Variants in PHF14 observed in about 807,000 individuals in gnomAD.
PHF14 encodes PHD finger protein 14.
In PHF14, 55 loss-of-function variants were observed where a neutral mutation model predicts 117.9. The observed-to-expected ratio is 0.47, with a 90% CI of 0.38 to 0.58. PHF14 has a LOEUF of 0.58. PHF14 is among the 20% of genes least tolerant of loss of function. The probability of loss-of-function intolerance (pLI) is 0.00; values close to 1 mark genes in which losing one functional copy is unlikely to be tolerated. For missense variants in PHF14, 978 were observed against 1,122.2 expected (o/e 0.87, Z 1.84); for synonymous variants, 409 against 368.6 (o/e 1.11, Z -1.26).
rs184324077 is a variant in PHF14, at chr7:10,984,541, G to A, written c.900+1382G>A. ...TAATTGAGGCATGCATGCAGTTTAC[G>A]TTATAGCAGTTAATACTCTATATAT... On this transcript the variant is annotated intron_variant, in intron 3 of 17. Transcript: ENST00000634607. Among the ~76,000 whole-genome samples, 314 of 152,220 alleles carry A rather than the reference G, an allele frequency of 2.1e-3. 1 individual carries two copies. The highest frequency in any genetic ancestry group is 7.4e-3 in the African/African-American group (307 of 41,542).
intron 16 of PHF14, among the ~76,000 whole-genome samples, chr7:11,084,916 AT>A (rs1305800858): frequency 6.6e-6 from 1 of 150,830 alleles, no homozygotes; most frequent in East Asian, 1.9e-4. Context: ...ATCTTTGGAG[AT>A]TTTTTTTTCT....
intron 17 of PHF14, among the ~76,000 whole-genome samples, chr7:11,114,879 T>C (rs1456073184): frequency 1.1e-4 from 16 of 152,088 alleles, no homozygotes; most frequent in Non-Finnish European, 1.5e-5. Flanking sequence ...TTATATTCAG[T>C]GGAGCTAGTT....
chr7:11,112,394 C>T (rs2128343747), intron 17 of PHF14, among the ~76,000 whole-genome samples: 2 of 152,214 alleles, frequency 1.3e-5, no homozygotes, highest in South Asian at 4.1e-4. Context: ...AGGCCTTCTG[C>T]AAAAGTTTAT....
intron 5 of PHF14, among the ~76,000 whole-genome samples, chr7:11,018,561 G>A (rs10261168): frequency 0.013 from 1,969 of 152,080 alleles, 36 homozygotes; most frequent in African/African-American, 0.045. Flanking sequence ...CTGTTGTCAC[G>A]TAGACATGCT....
intron 16 of PHF14, among the ~76,000 whole-genome samples, chr7:11,097,736 A>G (rs982436288): frequency 5.5e-4 from 84 of 152,190 alleles, no homozygotes; most frequent in African/African-American, 1.9e-3. Context: ...GTTGATACCC[A>G]TTTATCTAAC....
intron 16 of PHF14, among the ~76,000 whole-genome samples, chr7:11,071,747 A>T (rs1470373442): frequency 6.6e-6 from 1 of 152,184 alleles, no homozygotes; most frequent in Non-Finnish European, 1.5e-5. Context: ...GCCCTGAGAC[A>T]TGTTTCTGAT....
chr7:11,087,916 CAT>C (rs1372964932), intron 16 of PHF14, among the ~76,000 whole-genome samples: 2 of 152,148 alleles, frequency 1.3e-5, no homozygotes, highest in Non-Finnish European at 2.9e-5. Context: ...TTGAAACTAA[CAT>C]AACAATTAAA....
chr7:11,077,578 C>T (rs1001599598), intron 16 of PHF14, among the ~76,000 whole-genome samples: 5 of 124,792 alleles, frequency 4.0e-5, no homozygotes, highest in African/African-American at 1.6e-4. Context: ...TCCGGCCTGG[C>T]AACAGAGCGA....
At chr7:11,099,548 A>G (rs1022052477) in intron 16 of PHF14, among the ~76,000 whole-genome samples, 4 of 152,040 alleles carry the variant, frequency 2.6e-5, no homozygotes, top group African/African-American at 9.7e-5. Flanking sequence ...TTTCTGTAAG[A>G]TTTGTTTTTG....
intron 16 of PHF14, among the ~76,000 whole-genome samples, chr7:11,087,684 G>C (rs1351612444): frequency 1.3e-5 from 2 of 152,036 alleles, no homozygotes; most frequent in Admixed American, 1.3e-4. Flanking sequence ...ACTCCCAGTG[G>C]TCTTCTCACT....
At chr7:11,001,847 A>G (rs1015042278) in intron 4 of PHF14, among the ~76,000 whole-genome samples, 7 of 152,060 alleles carry the variant, frequency 4.6e-5, no homozygotes, top group African/African-American at 1.7e-4. Context: ...TCCAGTGTGT[A>G]TATTTTTGTT....
rs150955516 is a variant in PHF14 at position 11,079,120 on chromosome 7, A to C, written c.2654+17035A>C. 9.9e-4 allele frequency among the ~76,000 whole-genome samples: 151 copies of C among 152,284 alleles called. No individual in the cohort carries two copies. The Middle Eastern group carries it at 0.01, about 10-fold the overall frequency. ...TTTTTGAATGAGCTCTAACTATTAC[A>C]ATGAACTTAAAAGGATTTAATCTAA... On this transcript the variant is annotated intron_variant, in intron 16 of 17. Coordinates refer to ENST00000634607, the MANE Select transcript of PHF14 (RefSeq NM_001007157.2).
chr7:10,988,025 AAAAAAAAGAAAAAG>A (rs1782287672), intron 3 of PHF14, among the ~76,000 whole-genome samples: 1 of 151,442 alleles, frequency 6.6e-6, no homozygotes, highest in Non-Finnish European at 1.5e-5. Context: ...TCAAAAAAAA[AAAAAAAAGAAAAAG>A]AAAAAAAAGA....
intron 16 of PHF14, among the ~76,000 whole-genome samples, chr7:11,085,662 G>A (rs982686700): frequency 2.7e-5 from 4 of 150,266 alleles, no homozygotes; most frequent in African/African-American, 9.8e-5. Context: ...CCTTTTTTTT[G>A]AGACAGTGTC....
intron 17 of PHF14, among the ~76,000 whole-genome samples, chr7:11,125,635 A>G (rs1787906753): frequency 6.6e-6 from 1 of 152,034 alleles, no homozygotes; most frequent in Non-Finnish European, 1.5e-5. Context: ...AACTGTTTTT[A>G]TTCTACTATA....
At chr7:11,125,186 T>G (rs1323244363) in intron 17 of PHF14, among the ~76,000 whole-genome samples, 1 of 152,110 alleles carries the variant, frequency 6.6e-6, no homozygotes, top group Admixed American at 6.6e-5. Context: ...TTTTTTTTAT[T>G]AGACACTAAG....
intron 5 of PHF14, among the ~76,000 whole-genome samples, chr7:11,021,517 T>C (rs1336953434): frequency 2.6e-5 from 4 of 152,138 alleles, no homozygotes; most frequent in Admixed American, 6.6e-5. Flanking sequence ...CACATTGAAA[T>C]GGCAGTTTAA....
At chr7:11,143,676 A>G (rs1788461353) in intron 17 of PHF14, among the ~76,000 whole-genome samples, 1 of 152,108 alleles carries the variant, frequency 6.6e-6, no homozygotes, top group Non-Finnish European at 1.5e-5. Context: ...ACCATTATTT[A>G]ACAAATATCT....
chr7:11,068,349 C>CAAAA lies in PHF14; in HGVS notation c.2654+6285_2654+6288dup, dbSNP rs10659513. The stretch of plus-strand genomic sequence containing the variant: ...TGGGTGACAGAGCGAGACTCCGTCT[C>CAAAA]AAAAAAAAAAAAAAAAAAAAAAAAT... On this transcript the variant is annotated intron_variant, in intron 16 of 17. Transcript: ENST00000634607. Among the ~76,000 whole-genome samples, 146 of 66,426 alleles carry CAAAA rather than the reference C, an allele frequency of 2.2e-3. 1 individual carries two copies. Among genetic ancestry groups the CAAAA allele is most frequent in the East Asian group, 4.9e-3 (12 of 2,470 alleles). 43.6% of individuals were successfully genotyped at this position (66,426 alleles called of 152,430 possible). A position where few individuals can be genotyped will look rare whatever the true frequency, so the allele number is the denominator to read the frequency against.
Sources: allele counts gnomAD v4.1 joint callset (sites outside exome capture counted in the v4.1 genomes callset), GRCh38; gene constraint gnomAD v4.1.1; transcripts MANE v1.5; gene names NCBI Gene and HGNC (gene_info 2026-07-23, HGNC 2026-07-21).